DTNA: variants seen among roughly 807,000 people sequenced by gnomAD.
DTNA encodes the protein dystrophin-related protein 3.
A neutral mutation model predicts 100.7 loss-of-function variants in DTNA; 43 were observed. The ratio of observed to expected loss-of-function variants is 0.43; its 90% CI spans 0.33 to 0.55. The LOEUF is 0.55. Among genes scored for constraint, DTNA ranks in the 20% least tolerant of loss-of-function variants. DTNA has a pLI of 0.04. For synonymous variants in DTNA, 349 were observed against 347.9 expected (o/e 1.00, Z -0.04); for missense variants, 798 against 953.9 (o/e 0.84, Z 2.15).
At chr18:34,690,721 TCATCTTTTATC>T (rs1437027127) in intron 1 of DTNA, among the ~76,000 whole-genome samples, 4 of 152,220 alleles carry the variant, frequency 2.6e-5, no homozygotes, top group African/African-American at 9.6e-5. Context: ...AATGCAGAAA[TCATCTTTTATC>T]CATCTTTGTA....
At chr18:34,866,863 G>A in intron 17 of DTNA, 1 of 1,053,354 alleles carries the variant, frequency 9.5e-7, no homozygotes, top group Middle Eastern at 4.4e-4. Context: ...GAGACGAGAG[G>A]GTCATTACAT....
At chr18:34,659,099 T>C (rs957333855) in intron 1 of DTNA, among the ~76,000 whole-genome samples, 7 of 152,146 alleles carry the variant, frequency 4.6e-5, no homozygotes, top group Admixed American at 1.3e-4. Flanking sequence ...TGTGTGTGTG[T>C]GCACGCATGT....
At chr18:34,609,401 C>T (rs1434570343) in intron 1 of DTNA, among the ~76,000 whole-genome samples, 1 of 151,938 alleles carries the variant, frequency 6.6e-6, no homozygotes, top group Non-Finnish European at 1.5e-5. Context: ...CCCGCCACCC[C>T]ACCCGGCTAA....
chr18:34,572,457 A>G (rs1044547945), intron 1 of DTNA, among the ~76,000 whole-genome samples: 14 of 152,218 alleles, frequency 9.2e-5, no homozygotes, highest in Non-Finnish European at 1.9e-4. Flanking sequence ...CACCACAGCT[A>G]CTGGGTGAGG....
intron 5 of DTNA, among the ~76,000 whole-genome samples, chr18:34,807,557 C>T (rs2095392303): frequency 6.6e-6 from 1 of 152,052 alleles, no homozygotes; most frequent in Admixed American, 6.6e-5. Flanking sequence ...CCTTTTGTTC[C>T]TTTGAAATTT....
At chr18:34,847,162 G>A (rs1484932045) in intron 13 of DTNA, among the ~76,000 whole-genome samples, 1 of 152,104 alleles carries the variant, frequency 6.6e-6, no homozygotes, top group East Asian at 1.9e-4. Flanking sequence ...CTTGAATGGA[G>A]CACTTCACAG....
intron 3 of DTNA, among the ~76,000 whole-genome samples, chr18:34,776,146 G>C (rs978869930): frequency 6.6e-6 from 1 of 152,138 alleles, no homozygotes; most frequent in Admixed American, 6.5e-5. Flanking sequence ...GCTATTTACC[G>C]AAAACTTTTC....
chr18:34,681,733 CCA>C (rs146646292), intron 1 of DTNA, among the ~76,000 whole-genome samples: 27 of 147,730 alleles, frequency 1.8e-4, no homozygotes, highest in African/African-American at 5.6e-4. Context: ...CACACACACC[CCA>C]CACACACACA....
At chr18:34,805,418 G>A (rs1482203727) in intron 4 of DTNA, among the ~76,000 whole-genome samples, 2 of 152,000 alleles carry the variant, frequency 1.3e-5, no homozygotes, top group African/African-American at 2.4e-5. Flanking sequence ...TCCACCTCCC[G>A]GGTTCAAGCG....
chr18:34,609,245 CTTT>C (rs71166019), intron 1 of DTNA, among the ~76,000 whole-genome samples: 6 of 131,306 alleles, frequency 4.6e-5, no homozygotes, highest in Non-Finnish European at 3.2e-5. Context: ...TGCTTTAATT[CTTT>C]TTTTTTTTTT....
In DTNA at chr18:34,890,290, T is replaced by C; in HGVS notation, c.*2556T>C. 6.5e-7 allele frequency: 1 copy of C among 1,530,942 alleles called. No homozygotes were observed. The highest frequency in any genetic ancestry group is 8.7e-7 in the Non-Finnish European group (1 of 1,143,516). 94.8% of individuals were successfully genotyped at this position (1,530,942 alleles called of 1,614,324 possible). A position where few individuals can be genotyped will look rare whatever the true frequency, so the allele number is the denominator to read the frequency against. ...TTTCTGACTAACCAGCCACCTTTTC[T>C]CTCTCTTAGCTCCACGTCAGCACTG... On this transcript the variant is annotated 3_prime_UTR_variant, in exon 23 of 23. Coordinates refer to ENST00000444659, the MANE Select transcript of DTNA (RefSeq NM_001386795.1).
chr18:34,780,267 C>T (rs1029716593), intron 3 of DTNA, among the ~76,000 whole-genome samples: 2 of 152,108 alleles, frequency 1.3e-5, no homozygotes, highest in African/African-American at 4.8e-5. Flanking sequence ...AAGTGGCTTC[C>T]CTTGGGTAAA....
chr18:34,618,933 C>T (rs1301956224), intron 1 of DTNA, among the ~76,000 whole-genome samples: 2 of 151,910 alleles, frequency 1.3e-5, no homozygotes, highest in Non-Finnish European at 2.9e-5. Context: ...GTTAATATTT[C>T]ATATGACAGA....
chr18:34,683,876 A>C (rs541115824), intron 1 of DTNA, among the ~76,000 whole-genome samples: 2 of 152,176 alleles, frequency 1.3e-5, no homozygotes, highest in Admixed American at 6.6e-5. Context: ...AAATGCACCC[A>C]TTAATTATAT....
chr18:34,757,487 A>G (rs1345182905), intron 2 of DTNA, among the ~76,000 whole-genome samples: 1 of 152,236 alleles, frequency 6.6e-6, no homozygotes. Flanking sequence ...ACTTATCATT[A>G]TAACACTAAA....
chr18:34,769,538 C>G (rs1278151760), intron 3 of DTNA, among the ~76,000 whole-genome samples: 1 of 151,880 alleles, frequency 6.6e-6, no homozygotes, highest in Non-Finnish European at 1.5e-5. Flanking sequence ...TCAGGCTGCT[C>G]TAACAAAAAT....
At chr18:34,504,433 C>CT (rs1003447640) in intron 1 of DTNA, among the ~76,000 whole-genome samples, 1 of 152,110 alleles carries the variant, frequency 6.6e-6, no homozygotes, top group Non-Finnish European at 1.5e-5. Flanking sequence ...TTACCATGTT[C>CT]TTTTTTCTTG....
intron 1 of DTNA, among the ~76,000 whole-genome samples, chr18:34,750,554 G>A (rs1222982435): frequency 2.6e-5 from 4 of 152,042 alleles, no homozygotes; most frequent in Non-Finnish European, 5.9e-5. Flanking sequence ...ACTAGCTTAG[G>A]GATTTAATAA....
intron 1 of DTNA, among the ~76,000 whole-genome samples, chr18:34,636,727 CTTCT>C (rs1232008879): frequency 6.6e-6 from 1 of 152,170 alleles, no homozygotes; most frequent in Non-Finnish European, 1.5e-5. Flanking sequence ...ATACAGAATG[CTTCT>C]TTCTAAGTTT....
Sources: allele counts gnomAD v4.1 joint callset (sites outside exome capture counted in the v4.1 genomes callset), GRCh38; gene constraint gnomAD v4.1.1; transcripts MANE v1.5; gene names NCBI Gene and HGNC (gene_info 2026-07-23, HGNC 2026-07-21).